The following DHPS variants were observed in gnomAD, a reference collection of about 807,000 sequenced individuals.
The protein encoded by DHPS is migration-inducing gene 13.
Under a neutral mutation model 38.7 loss-of-function variants are expected in DHPS, and 24 were observed. The observed-to-expected ratio is 0.62, with a 90% CI of 0.45 to 0.87. The LOEUF is 0.87. Among genes scored for constraint, DHPS ranks in the 40% least tolerant of loss-of-function variants. The pLI, the probability that DHPS is intolerant of heterozygous loss-of-function variation, is 0.00. For synonymous variants in DHPS, 250 were observed against 204.4 expected, an observed-to-expected ratio of 1.22 and a Z score of -1.90; for missense variants, 510 against 497.6, an observed-to-expected ratio of 1.02 and a Z score of -0.24.
At chr19:12,678,156 G>A (rs1373186854) in intron 5 of DHPS, among the ~76,000 whole-genome samples, 3 of 151,828 alleles carry the variant, frequency 2.0e-5, no homozygotes, top group Non-Finnish European at 2.9e-5. Flanking sequence ...GGAACTTGAT[G>A]CTGAGGCAGG....
rs771039619 is a variant in DHPS, at chr19:12,679,981, C to T, written c.373-59G>A. On this transcript the variant is annotated intron_variant, in intron 2 of 8. Coordinates refer to ENST00000210060, the MANE Select transcript of DHPS (RefSeq NM_001930.4). ...AGGAAGCCCCTGCCCTCATTCTGGG[C>T]AGAACTTCTAACCTCATCCTTGTCC... 6 of 1,578,482 alleles carry T rather than the reference C, an allele frequency of 3.8e-6. No individual in the cohort carries two copies. In the African/African-American group the frequency reaches 5.4e-5, roughly 14 times the overall value.
At chr19:12,673,263 CAT>C (rs762984229), downstream of DHPS, 52 of 1,614,106 alleles carry the variant, frequency 3.2e-5, no homozygotes, top group African/African-American at 8.0e-5. Flanking sequence ...GCGTGACACA[CAT>C]GTGGTCAGCT....
At chr19:12,678,430 G>A (rs1231675566) in intron 5 of DHPS, among the ~76,000 whole-genome samples, 1 of 152,004 alleles carries the variant, frequency 6.6e-6, no homozygotes, top group Non-Finnish European at 1.5e-5. Context: ...TTGTGCCATT[G>A]CACTCCAGCC....
At chr19:12,676,664 C>T in intron 7 of DHPS, 1 of 246,808 alleles carries the variant, frequency 4.1e-6, no homozygotes, top group Non-Finnish European at 8.1e-6. Context: ...CTCCACCTTC[C>T]CCTCACCAGG....
At chr19:12,678,818 T>C (rs2024702890) in intron 5 of DHPS, among the ~76,000 whole-genome samples, 1 of 149,594 alleles carries the variant, frequency 6.7e-6, no homozygotes. Flanking sequence ...TTTTTTTTTT[T>C]TCAGGTTCTG....
Position 12,680,282 on chromosome 19 carries a change from T to A in DHPS, c.251A>T (p.His84Leu), listed in dbSNP as rs777350189. Residue 84 changes from histidine to leucine, a missense_variant, in exon 2 of 9, where the codon CAC becomes CTC. Transcript: ENST00000210060. Reference sequence around the variant, plus strand: ...GCGGCGGCTCTGGGTCAGGTCCGCGTGCTGGTCTTCATCCTGTGACAGTGG... The same window carrying A: ...GCGGCGGCTCTGGGTCAGGTCCGCGAGCTGGTCTTCATCCTGTGACAGTGG... ...LEPLSQDEDQHADLTQSRRPL... is the reference protein window; with the variant it reads ...LEPLSQDEDQLADLTQSRRPL... 6.2e-6 allele frequency: 10 copies of A among 1,614,168 alleles called. No individual in the cohort carries two copies. In the South Asian group the frequency reaches 7.7e-5, roughly 12 times the overall value.
Position 12,677,230 on chromosome 19 carries a change from A to G in DHPS, c.785-19T>C, listed in dbSNP as rs568560231. 3.7e-6 allele frequency: 6 copies of G among 1,613,996 alleles called. No individual in the cohort carries two copies. In the South Asian group the frequency reaches 5.5e-5, roughly 15 times the overall value. On this transcript the variant is annotated intron_variant, in intron 6 of 8. Coordinates refer to ENST00000210060, the MANE Select transcript of DHPS (RefSeq NM_001930.4). ...CTCAGGTCTGGGGGAAGAGCGCCGA[A>G]GTCAGGCCTTGGACTCAGCCAGCCC...
chr19:12,678,422 G>A (rs1275494952), intron 5 of DHPS, among the ~76,000 whole-genome samples: 1 of 151,970 alleles, frequency 6.6e-6, no homozygotes, highest in Non-Finnish European at 1.5e-5. Context: ...AGCCATTATT[G>A]TGCCATTGCA....
At chr19:12,672,994 A>G (rs112245780), downstream of DHPS, 10,893 of 1,574,024 alleles carry the variant, frequency 6.9e-3, 617 homozygotes, top group African/African-American at 0.13. Flanking sequence ...TCACCTACCC[A>G]CCCTTCCCCC....
intron 8 of DHPS, 39 bp downstream of exon 8, chr19:12,675,978 C>G (rs538535283): frequency 2.0e-5 from 32 of 1,606,642 alleles, no homozygotes; most frequent in Non-Finnish European, 2.7e-5. Flanking sequence ...CCACACTCAT[C>G]GTCCCAGAGA....
At position 12,681,508 on chromosome 19, in the gene DHPS, G is replaced by A. The variant is rs556112574; in HGVS notation, c.207+52C>T. On this transcript the variant is annotated intron_variant, in intron 1 of 8. Transcript: ENST00000210060. The stretch of plus-strand genomic sequence containing the variant: ...GCTGCCCCCGTCTAGTACCGCGTTG[G>A]TTCTACAAGCCACGCCCCTCCGCGT... 11 of 1,602,376 alleles carry A rather than the reference G, an allele frequency of 6.9e-6. No individual in the cohort carries two copies. In the East Asian group the frequency reaches 1.3e-4, roughly 20 times the overall value.
At chr19:12,680,999 A>C in intron 1 of DHPS, 1 of 487,728 alleles carries the variant, frequency 2.1e-6, no homozygotes, top group Non-Finnish European at 3.2e-6. Context: ...ATGCCCGGCT[A>C]ATTTTTTGCA....
At chr19:12,681,257 AT>A (rs1313322254) in intron 1 of DHPS, 2 of 1,291,500 alleles carry the variant, frequency 1.5e-6, no homozygotes, top group Non-Finnish European at 2.0e-6. Flanking sequence ...TCCTCCCTTA[AT>A]TTGTCTTGCC....
downstream of DHPS, chr19:12,672,994 A>AC (rs774450196): frequency 3.8e-6 from 6 of 1,574,012 alleles, no homozygotes; most frequent in African/African-American, 8.1e-5. Flanking sequence ...TCACCTACCC[A>AC]CCCTTCCCCC....
chr19:12,675,076 T>G (rs147332364), downstream of DHPS, among the ~76,000 whole-genome samples: 1 of 148,914 alleles, frequency 6.7e-6, no homozygotes, highest in Admixed American at 6.8e-5. Context: ...ATGGCGCCAC[T>G]GCACTCCAGC....
Position 12,681,113 on chromosome 19 carries a change from T to A in DHPS, c.207+447A>T. The A allele has an allele frequency of 2.3e-6, 3 of 1,278,276 alleles. No individual in the cohort carries two copies. The South Asian group carries it at 3.8e-5, about 16-fold the overall frequency. The allele number at this position is 1,278,276 out of a possible 1,614,324, so 79.2% of individuals were successfully genotyped here. On this transcript the variant is annotated intron_variant, in intron 1 of 8. Transcript: ENST00000210060. ...TCCCAAAATGCTGGGATTATAGGCA[T>A]GCGCCACCGCGCCCAGCCAGCCCCC...
intron 2 of DHPS, 56 bp downstream of exon 2, chr19:12,680,104 AT>A: frequency 1.2e-6 from 2 of 1,602,342 alleles, no homozygotes; most frequent in Non-Finnish European, 1.7e-6. Flanking sequence ...TAAACGATCA[AT>A]AACTGCATTG....
In DHPS at chr19:12,677,353, A is replaced by AGCGAGCC; in HGVS notation, c.715_721dup (p.Leu241ArgfsTer23). 6.2e-7 allele frequency: 1 copy of AGCGAGCC among 1,614,212 alleles called. No individual in the cohort carries two copies. The highest frequency in any genetic ancestry group is 8.5e-7 in the Non-Finnish European group (1 of 1,180,034). On this transcript the variant is annotated frameshift_variant, in exon 6 of 9. Transcript: ENST00000210060. LOFTEE classifies it high-confidence loss of function. ...GGAATGGAAGAAGATCATGTCGCCC[A>AGCGAGCC]GCGAGCCGTCTGTAAGTGCGGGACT...
chr19:12,676,765 T>C (rs1057180698), intron 7 of DHPS: 1 of 356,648 alleles, frequency 2.8e-6, no homozygotes, highest in Non-Finnish European at 5.4e-6. Flanking sequence ...AGAAGCTCAA[T>C]GCTAGTACAG....
Sources: allele counts gnomAD v4.1 joint callset (sites outside exome capture counted in the v4.1 genomes callset), GRCh38; gene constraint gnomAD v4.1.1; transcripts MANE v1.5; gene names NCBI Gene and HGNC (gene_info 2026-07-23, HGNC 2026-07-21).